Variants in EPB41L4A observed in about 807,000 individuals in gnomAD.
The protein encoded by EPB41L4A is band 4.1-like protein 4A.
A neutral mutation model predicts 108.6 loss-of-function variants in EPB41L4A; 100 were observed. The observed-to-expected ratio is 0.92, with a 90% CI of 0.78 to 1.09. The LOEUF (loss-of-function observed/expected upper bound fraction) is 1.09, where lower values mean the gene tolerates loss of function less well. EPB41L4A is among the 50% of genes least tolerant of loss of function. The pLI, the probability that EPB41L4A is intolerant of heterozygous loss-of-function variation, is 0.00. For missense variants in EPB41L4A, 1,030 were observed against 842.7 expected, an observed-to-expected ratio of 1.22 and a Z score of -2.75; for synonymous variants, 319 against 289.0, an observed-to-expected ratio of 1.10 and a Z score of -1.05.
intron 3 of EPB41L4A, among the ~76,000 whole-genome samples, chr5:112,279,144 G>A (rs570533100): frequency 4.0e-4 from 61 of 150,722 alleles, no homozygotes; most frequent in African/African-American, 1.4e-3. Context: ...GTTCAAATAT[G>A]CTAGAGCTGT....
At chr5:112,336,444 G>C (rs1399188641) in intron 1 of EPB41L4A, among the ~76,000 whole-genome samples, 1 of 152,190 alleles carries the variant, frequency 6.6e-6, no homozygotes, top group Non-Finnish European at 1.5e-5. Context: ...CCAGAAGGCA[G>C]ATTTCCTCAT....
intron 12 of EPB41L4A, among the ~76,000 whole-genome samples, chr5:112,232,695 C>T (rs1216338021): frequency 1.3e-5 from 2 of 152,106 alleles, no homozygotes; most frequent in African/African-American, 4.8e-5. Flanking sequence ...CACAATGTTC[C>T]AATGTTAATA....
rs534927643 is a variant in EPB41L4A, at chr5:112,360,287, C to A, written c.100-52797G>T. 2.6e-4 allele frequency among the ~76,000 whole-genome samples: 39 copies of A among 151,960 alleles called. No individual in the cohort carries two copies. The East Asian group carries it at 6.6e-3, about 26-fold the overall frequency. On this transcript the variant is annotated intron_variant, in intron 1 of 22. Coordinates refer to ENST00000261486, the MANE Select transcript of EPB41L4A (RefSeq NM_022140.5). ...ATAATAAACTGACCCTCGACCCTCT[C>A]CCCTCTCCCCTTTGCACGGTCTCCC...
chr5:112,311,384 G>A (rs899546262), intron 1 of EPB41L4A, among the ~76,000 whole-genome samples: 7 of 152,090 alleles, frequency 4.6e-5, no homozygotes, highest in African/African-American at 1.7e-4. Context: ...ATCAAGCAAG[G>A]ATTCCTAAAA....
At chr5:112,336,038 G>A (rs1040751229) in intron 1 of EPB41L4A, among the ~76,000 whole-genome samples, 1 of 152,098 alleles carries the variant, frequency 6.6e-6, no homozygotes, top group Non-Finnish European at 1.5e-5. Flanking sequence ...CCCTACACCA[G>A]GCAAGGAAAG....
At chr5:112,166,884 T>A (rs999106018) in intron 22 of EPB41L4A, among the ~76,000 whole-genome samples, 1 of 152,244 alleles carries the variant, frequency 6.6e-6, no homozygotes, top group Non-Finnish European at 1.5e-5. Flanking sequence ...GGTTTGCTGA[T>A]TGCTCAGACC....
At chr5:112,232,629 G>C (rs570554814) in intron 12 of EPB41L4A, among the ~76,000 whole-genome samples, 38 of 152,096 alleles carry the variant, frequency 2.5e-4, no homozygotes, top group Non-Finnish European at 2.8e-4. Context: ...TTCTTCACAG[G>C]CTTGACAAAA....
chr5:112,325,227 GT>G (rs1580689389), intron 1 of EPB41L4A, among the ~76,000 whole-genome samples: 4 of 152,054 alleles, frequency 2.6e-5, no homozygotes, highest in Admixed American at 2.0e-4. Context: ...AGATCACGAG[GT>G]CAGGAGATCA....
intron 1 of EPB41L4A, among the ~76,000 whole-genome samples, chr5:112,373,222 G>A (rs765274939): frequency 2.0e-5 from 3 of 152,150 alleles, no homozygotes; most frequent in Non-Finnish European, 4.4e-5. Context: ...GCCTTATGAA[G>A]GTCACCAACA....
At chr5:112,291,856 G>A (rs1302852954) in intron 2 of EPB41L4A, among the ~76,000 whole-genome samples, 1 of 152,128 alleles carries the variant, frequency 6.6e-6, no homozygotes, top group African/African-American at 2.4e-5. Flanking sequence ...TATATATTCT[G>A]CGTTTCTGAG....
At chr5:112,349,760 T>C (rs1757921422) in intron 1 of EPB41L4A, among the ~76,000 whole-genome samples, 1 of 152,150 alleles carries the variant, frequency 6.6e-6, no homozygotes, top group African/African-American at 2.4e-5. Context: ...ATGGAAAAGA[T>C]AAATGAAACC....
intron 3 of EPB41L4A, among the ~76,000 whole-genome samples, chr5:112,279,574 A>C (rs528443977): frequency 6.6e-5 from 10 of 152,308 alleles, no homozygotes; most frequent in Non-Finnish European, 8.8e-5. Context: ...AATGGTTAAA[A>C]GGATCCATTT....
chr5:112,151,887 C>T (rs528556767), intron 12 of EPB41L4A, among the ~76,000 whole-genome samples: 7 of 152,130 alleles, frequency 4.6e-5, no homozygotes, highest in East Asian at 1.9e-4. Flanking sequence ...CATGCCACCA[C>T]GCCTGGCTAA....
chr5:112,360,032 C>T (rs952334273), intron 1 of EPB41L4A, among the ~76,000 whole-genome samples: 2 of 152,166 alleles, frequency 1.3e-5, no homozygotes, highest in Admixed American at 6.5e-5. Flanking sequence ...ACAGATTCAA[C>T]GGAAATCCAA....
intron 2 of EPB41L4A, among the ~76,000 whole-genome samples, chr5:112,281,056 G>T (rs1026220490): frequency 6.6e-6 from 1 of 152,154 alleles, no homozygotes; most frequent in Non-Finnish European, 1.5e-5. Flanking sequence ...CTCTCCCCAT[G>T]TCATTGCCAT....
intron 12 of EPB41L4A, among the ~76,000 whole-genome samples, chr5:112,211,470 TACTC>T (rs2150314393): frequency 6.6e-6 from 1 of 152,106 alleles, no homozygotes; most frequent in East Asian, 1.9e-4. Context: ...TAATCCCAGA[TACTC>T]AGGAGGCTGA....
At chr5:112,377,848 GA>G (rs955738763) in intron 1 of EPB41L4A, among the ~76,000 whole-genome samples, 28 of 148,402 alleles carry the variant, frequency 1.9e-4, no homozygotes, top group East Asian at 5.9e-4. Context: ...ATTGGGAAGA[GA>G]AAAAAAAAAT....
intron 18 of EPB41L4A, 92 bp from the exon 19 acceptor site, chr5:112,171,084 C>G (rs1760553820): frequency 8.8e-7 from 1 of 1,138,914 alleles, no homozygotes; most frequent in East Asian, 2.4e-5. Flanking sequence ...CTGTGAAGTT[C>G]TTATTTGCCA....
chr5:112,311,695 G>A (rs1213177085), intron 1 of EPB41L4A, among the ~76,000 whole-genome samples: 2 of 152,188 alleles, frequency 1.3e-5, no homozygotes, highest in African/African-American at 4.8e-5. Flanking sequence ...GCGACAGAGT[G>A]AGTGAGACTC....
Sources: gnomAD v4.1 joint callset for allele counts (sites outside exome capture counted in the v4.1 genomes callset) on GRCh38, gnomAD v4.1.1 for gene constraint, MANE v1.5 for transcripts, NCBI Gene and HGNC (gene_info 2026-07-23, HGNC 2026-07-21) for gene names.